C3orf62: variants seen among roughly 807,000 people sequenced by gnomAD.
C3orf62 encodes uncharacterized protein C3orf62.
Under a neutral mutation model 21.7 loss-of-function variants are expected in C3orf62, and 16 were observed. That is an observed-to-expected ratio of 0.74 (90% confidence interval 0.50 to 1.12). C3orf62 has a LOEUF of 1.12. C3orf62 is among the 50% of genes most tolerant of loss of function. The probability of loss-of-function intolerance (pLI) is 0.00; values close to 1 mark genes in which losing one functional copy is unlikely to be tolerated. For synonymous variants in C3orf62, 114 were observed against 117.0 expected (o/e 0.97, Z 0.17); for missense variants, 310 against 318.8 (o/e 0.97, Z 0.21).
chr3:49,273,663 G>GTT (rs1179173289), intron 2 of C3orf62, among the ~76,000 whole-genome samples: 1 of 150,136 alleles, frequency 6.7e-6, no homozygotes, highest in African/African-American at 2.5e-5. Context: ...AGTGTTTTTT[G>GTT]TTTTTTTTTG....
intron 1 of C3orf62, chr3:49,274,518 ATTTT>A (rs1559459666): frequency 6.5e-6 from 1 of 153,500 alleles, no homozygotes; most frequent in Non-Finnish European, 1.4e-5. Context: ...TTATTTATTT[ATTTT>A]TATTTTTTAT....
chr3:49,274,154 G>GT lies in C3orf62; in HGVS notation c.447-15dup. On this transcript the variant is annotated splice_polypyrimidine_tract_variant and intron_variant, in intron 1 of 2. Coordinates refer to ENST00000343010, the MANE Select transcript of C3orf62 (RefSeq NM_198562.3). ...TCCATATCTTTCCTGCAGCCCCCAG[G>GT]TGGGGGGGAAGAAAAGGTGGGGAAT... is the stretch of plus-strand genomic sequence containing the variant. 6.3e-7 allele frequency: 1 copy of GT among 1,596,702 alleles called. No homozygotes were observed. The highest frequency in any genetic ancestry group is 8.6e-7 in the Non-Finnish European group (1 of 1,164,360).
chr3:49,275,801 A>AT (rs2046953968), intron 1 of C3orf62, among the ~76,000 whole-genome samples: 1 of 152,038 alleles, frequency 6.6e-6, no homozygotes, highest in Admixed American at 6.6e-5. Context: ...AAGTGCTGGG[A>AT]TTACAAGTGT....
chr3:49,276,978 A>G lies in C3orf62; in HGVS notation c.-106T>C. 1.3e-6 allele frequency: 2 copies of G among 1,487,414 alleles called. No homozygotes were observed. Among genetic ancestry groups the G allele is most frequent in the East Asian group, 2.4e-5 (1 of 41,888 alleles). The allele number at this position is 1,487,414 out of a possible 1,614,324, so 92.1% of individuals were successfully genotyped here. On this transcript the variant is annotated 5_prime_UTR_variant, in exon 1 of 3. Transcript: ENST00000343010. ...GGCCCTGGCTATAGCAGGACCCACA[A>G]CCCTCGGGCTTTCCTCCTGGAGTAG...
intron 2 of C3orf62, among the ~76,000 whole-genome samples, chr3:49,272,702 C>T (rs2046922145): frequency 6.6e-6 from 1 of 151,784 alleles, no homozygotes; most frequent in Non-Finnish European, 1.5e-5. Context: ...CAGGTGTGCA[C>T]CACCACGCCT....
chr3:49,273,572 G>C (rs1233611174), intron 2 of C3orf62, among the ~76,000 whole-genome samples: 2 of 151,990 alleles, frequency 1.3e-5, no homozygotes, highest in Non-Finnish European at 2.9e-5. Context: ...TGGGATTATG[G>C]GCACACACCA....
chr3:49,272,216 C>G (rs1348046137), intron 2 of C3orf62, among the ~76,000 whole-genome samples: 1 of 151,862 alleles, frequency 6.6e-6, no homozygotes, highest in East Asian at 1.9e-4. Context: ...TTTTTAAAAA[C>G]AGGGCACATT....
At position 49,277,149 on chromosome 3, in the gene C3orf62, C is replaced by CCCTTTGG. The variant is rs1559461028; in HGVS notation, c.-284_-278dup. The CCCTTTGG allele has an allele frequency of 6.9e-7, 1 of 1,439,370 alleles. No individual in the cohort carries two copies. Among genetic ancestry groups the CCCTTTGG allele is most frequent in the Non-Finnish European group, 9.2e-7 (1 of 1,084,870 alleles). 89.2% of individuals were successfully genotyped at this position (1,439,370 alleles called of 1,614,324 possible). A position where few individuals can be genotyped will look rare whatever the true frequency, so the allele number is the denominator to read the frequency against. On this transcript the variant is annotated 5_prime_UTR_variant, in exon 1 of 3. An upstream open reading frame in the 5' UTR gains an earlier in-frame stop. Coordinates refer to ENST00000343010, the MANE Select transcript of C3orf62 (RefSeq NM_198562.3). ...AGGCCGCTGGCCCTACCGGCACCCC[C>CCCTTTGG]CCTTTGGCGAGTCGGCAGCCACGTC...
chr3:49,274,726 A>G (rs536326150), intron 1 of C3orf62, among the ~76,000 whole-genome samples: 2 of 151,368 alleles, frequency 1.3e-5, no homozygotes, highest in East Asian at 3.9e-4. Flanking sequence ...GGGTTTCACC[A>G]TGTTGGCCAG....
At position 49,276,823 on chromosome 3, in the gene C3orf62, A is replaced by G; in HGVS notation, c.50T>C (p.Leu17Pro). Residue 17 changes from leucine (L) to proline (P), a missense_variant, in exon 1 of 3, where the codon CTA becomes CCA. Transcript: ENST00000343010. ...WSLLGEMSEK[L>P]RRCRKELTAA... ...AGTCAGTTCCTTTCTGCATCTTCTT[A>G]GTTTTTCAGACATTTCTCCTAAAAG... is the stretch of plus-strand genomic sequence containing the variant. 6.2e-7 allele frequency: 1 copy of G among 1,612,884 alleles called. No individual in the cohort carries two copies. Among genetic ancestry groups the G allele is most frequent in the Non-Finnish European group, 8.5e-7 (1 of 1,179,616 alleles).
rs1422578981 is a variant in C3orf62, at chr3:49,277,216, G to A, written c.-344C>T. The A allele has an allele frequency of 2.3e-6, 3 of 1,331,342 alleles. No homozygotes were observed. The highest frequency in any genetic ancestry group is 9.2e-5 in the East Asian group (2 of 21,678). The allele number at this position is 1,331,342 out of a possible 1,614,324, so 82.5% of individuals were successfully genotyped here. A position where few individuals can be genotyped will look rare whatever the true frequency, so the allele number is the denominator to read the frequency against. On this transcript the variant is annotated 5_prime_UTR_variant, in exon 1 of 3. Transcript: ENST00000343010. ...GCGCAGTGACGCCGACCCATCCAAC[G>A]GTCATCGCATGCGCGTGCCCCGCGC...
In C3orf62 at chr3:49,271,463, T is replaced by G. The variant is rs765825804; in HGVS notation, c.539-18A>C. ...TGTATGGTCTTAAAAATAAGAACAT[T>G]CAGCTTTACAATTCCAGTGGAAGGT... On this transcript the variant is annotated intron_variant, in intron 2 of 2. Transcript: ENST00000343010. 1 of 1,601,336 alleles carries G rather than the reference T, an allele frequency of 6.2e-7. No individual in the cohort carries two copies. Among genetic ancestry groups the G allele is most frequent in the Non-Finnish European group, 8.5e-7 (1 of 1,172,332 alleles).
chr3:49,275,531 T>TTG (rs2046949318), intron 1 of C3orf62, among the ~76,000 whole-genome samples: 2 of 118,050 alleles, frequency 1.7e-5, no homozygotes, highest in Admixed American at 8.6e-5. Flanking sequence ...TTTTTTTTTT[T>TTG]TTTTTTTTTT....
At chr3:49,272,664 G>A (rs1169373968) in intron 2 of C3orf62, among the ~76,000 whole-genome samples, 6 of 143,384 alleles carry the variant, frequency 4.2e-5, no homozygotes, top group Non-Finnish European at 9.0e-5. Flanking sequence ...CAATTCTCAT[G>A]CCTCAGCCAT....
Position 49,277,185 on chromosome 3 carries a change from C to A in C3orf62, c.-313G>T. ...GTCGGCAGCCACGTCCTTGTCCTCA[C>A]CCGCAGCGCAGTGACGCCGACCCAT... On this transcript the variant is annotated 5_prime_UTR_variant, in exon 1 of 3. Transcript: ENST00000343010. 7.3e-7 allele frequency: 1 copy of A among 1,372,598 alleles called. No individual in the cohort carries two copies. Among genetic ancestry groups the A allele is most frequent in the Non-Finnish European group, 9.6e-7 (1 of 1,042,600 alleles). The allele number at this position is 1,372,598 out of a possible 1,614,324, so 85.0% of individuals were successfully genotyped here.
rs1455427290 is a variant in C3orf62 at position 49,277,055 on chromosome 3, A to C, written c.-183T>G. ...CCGCCATCTGCCAGAAGCCCCAAAG[A>C]CGCCCCGCCCCACTTCCCACAGCTT... On this transcript the variant is annotated 5_prime_UTR_variant, in exon 1 of 3. Coordinates refer to ENST00000343010, the MANE Select transcript of C3orf62 (RefSeq NM_198562.3). 2 of 1,473,076 alleles carry C rather than the reference A, an allele frequency of 1.4e-6. No individual in the cohort carries two copies. Among genetic ancestry groups the C allele is most frequent in the African/African-American group, 2.8e-5 (2 of 71,202 alleles). 91.3% of individuals were successfully genotyped at this position (1,473,076 alleles called of 1,614,324 possible).
In C3orf62 at chr3:49,276,709, G is replaced by A; in HGVS notation, c.164C>T (p.Ser55Phe). The A allele has an allele frequency of 8.1e-6, 13 of 1,614,192 alleles. No individual in the cohort carries two copies. Among genetic ancestry groups the A allele is most frequent in the Non-Finnish European group, 1.0e-5 (12 of 1,180,034 alleles). ...GAGCCTGTGCACGGGCAGCGAGAAG[G>A]AGAGCGGCGCGGCGCTCAGTTCCAG... Reference protein sequence around the residue: ...QRLELSAAPLSFSLPVHRLLC... With the variant: ...QRLELSAAPLFFSLPVHRLLC... The change falls in exon 1 of 3, where the codon TCC (serine) becomes TTC (phenylalanine). Residue 55 changes from serine to phenylalanine, a missense_variant. Physicochemically the swap from Ser to Phe is radical, Grantham distance 155. Transcript: ENST00000343010.
chr3:49,273,954 G>A (rs887298144), intron 2 of C3orf62, 95 bp downstream of exon 2: 4 of 901,750 alleles, frequency 4.4e-6, no homozygotes, highest in East Asian at 2.5e-5. Flanking sequence ...GTGCCTGGCC[G>A]AGAGCATTTC....
intron 2 of C3orf62, among the ~76,000 whole-genome samples, chr3:49,273,613 GAGAC>G (rs1320625150): frequency 2.0e-5 from 3 of 152,050 alleles, no homozygotes; most frequent in African/African-American, 7.2e-5. Flanking sequence ...AAAATTTTAA[GAGAC>G]AGATCTCGCT....
Sources: gnomAD v4.1 joint callset for allele counts (sites outside exome capture counted in the v4.1 genomes callset) on GRCh38, gnomAD v4.1.1 for gene constraint, MANE v1.5 for transcripts, NCBI Gene and HGNC (gene_info 2026-07-23, HGNC 2026-07-21) for gene names.